The following ADAMTS16 variants were observed in gnomAD, a reference collection of about 807,000 sequenced individuals.
ADAMTS16 encodes the protein A disintegrin and metalloproteinase with thrombospondin motifs 16.
In ADAMTS16, 94 loss-of-function variants were observed where a neutral mutation model predicts 145.8. The observed-to-expected ratio is 0.64, with a 90% CI of 0.55 to 0.77. ADAMTS16 has a LOEUF of 0.77. Ranked by LOEUF, ADAMTS16 falls within the 30% of genes least tolerant of loss-of-function variation. The pLI is 0.00. For missense variants in ADAMTS16, 1,585 were observed against 1,591.5 expected (o/e 1.00, Z 0.07); for synonymous variants, 659 against 604.3 (o/e 1.09, Z -1.33).
intron 17 of ADAMTS16, among the ~76,000 whole-genome samples, chr5:5,258,089 A>C (rs1355414601): frequency 6.6e-6 from 1 of 152,164 alleles, no homozygotes; most frequent in African/African-American, 2.4e-5. Context: ...CACCATGTGG[A>C]TGTGTTTACC....
At chr5:5,291,930 A>G (rs1196711344) in intron 18 of ADAMTS16, among the ~76,000 whole-genome samples, 1 of 152,228 alleles carries the variant, frequency 6.6e-6, no homozygotes, top group Non-Finnish European at 1.5e-5. Context: ...GAGGAGGGTG[A>G]CGTTCATTGT....
intron 18 of ADAMTS16, among the ~76,000 whole-genome samples, chr5:5,267,648 C>T (rs1217027329): frequency 2.6e-5 from 4 of 152,254 alleles, no homozygotes; most frequent in African/African-American, 9.6e-5. Context: ...CAATATGTTT[C>T]GCTCGACGTC....
chr5:5,159,034 C>T (rs894643185), intron 3 of ADAMTS16, among the ~76,000 whole-genome samples: 3 of 152,236 alleles, frequency 2.0e-5, no homozygotes, highest in Non-Finnish European at 4.4e-5. Flanking sequence ...CAGAAACATG[C>T]TCAACATTTA....
At chr5:5,208,011 G>C (rs1026426539) in intron 9 of ADAMTS16, among the ~76,000 whole-genome samples, 12 of 152,048 alleles carry the variant, frequency 7.9e-5, no homozygotes, top group African/African-American at 2.9e-4. Context: ...GTCTGGTTTT[G>C]GTATTAGGAT....
chr5:5,188,087 C>A (rs1457407738), intron 6 of ADAMTS16, among the ~76,000 whole-genome samples: 1 of 152,120 alleles, frequency 6.6e-6, no homozygotes, highest in East Asian at 1.9e-4. Context: ...ATAGGTGGGA[C>A]ACACACTAGG....
intron 10 of ADAMTS16, among the ~76,000 whole-genome samples, chr5:5,217,644 T>G (rs926421117): frequency 6.6e-6 from 1 of 152,224 alleles, no homozygotes; most frequent in Non-Finnish European, 1.5e-5. Flanking sequence ...TGGGGTGTTA[T>G]GTTGTGGTGT....
At chr5:5,296,641 G>T (rs767771154) in intron 18 of ADAMTS16, among the ~76,000 whole-genome samples, 1 of 152,114 alleles carries the variant, frequency 6.6e-6, no homozygotes, top group Admixed American at 6.5e-5. Context: ...AACCCCTAGA[G>T]AGCCAAGGCC....
At chr5:5,217,964 G>A (rs1736482524) in intron 10 of ADAMTS16, among the ~76,000 whole-genome samples, 1 of 152,080 alleles carries the variant, frequency 6.6e-6, no homozygotes, top group Non-Finnish European at 1.5e-5. Context: ...AGCATCCTAG[G>A]TACTGTTGTT....
At chr5:5,196,253 A>AAG (rs1481407238) in intron 8 of ADAMTS16, among the ~76,000 whole-genome samples, 23 of 151,474 alleles carry the variant, frequency 1.5e-4, no homozygotes, top group Admixed American at 1.5e-3. Context: ...AAAAAAAAAA[A>AAG]AAAGCAGCAT....
At chr5:5,224,579 A>G (rs2913614) in intron 11 of ADAMTS16, among the ~76,000 whole-genome samples, 150,868 of 152,320 alleles carry the variant, frequency 0.99, 74,729 homozygotes, top group Middle Eastern at 1. Flanking sequence ...GTGAGCCACC[A>G]CATCCGGCCA....
intron 3 of ADAMTS16, among the ~76,000 whole-genome samples, chr5:5,175,320 A>G (rs1361112896): frequency 2.0e-5 from 3 of 152,130 alleles, no homozygotes; most frequent in Non-Finnish European, 4.4e-5. Flanking sequence ...AGGTCCAGGA[A>G]TGGGGGCCTC....
At chr5:5,293,708 A>G (rs1314650122) in intron 18 of ADAMTS16, among the ~76,000 whole-genome samples, 4 of 152,188 alleles carry the variant, frequency 2.6e-5, no homozygotes, top group Admixed American at 2.0e-4. Flanking sequence ...TATATTGCTG[A>G]GGCAGGGGCC....
rs770783756 is a variant in ADAMTS16 at position 5,140,697 on chromosome 5, G to T, written c.106G>T (p.Ala36Ser). 3 of 1,565,182 alleles carry T rather than the reference G, an allele frequency of 1.9e-6. No individual in the cohort carries two copies. The highest frequency in any genetic ancestry group is 2.7e-5 in the African/African-American group (2 of 74,004). Residue 36 changes from alanine to serine, a missense_variant, in exon 2 of 23, where the codon GCG becomes TCG. Ala to Ser is a moderately conservative substitution (Grantham distance 99, BLOSUM62 1). Coordinates refer to ENST00000274181, the MANE Select transcript of ADAMTS16 (RefSeq NM_139056.4). ...GTGCGCCATGGGACCCGCAGCGGCA[G>T]CGCCTGGGAGCCCGAGCGTCCCGCG... ...PACAMGPAAA[A>S]PGSPSVPRPP...
intron 16 of ADAMTS16, among the ~76,000 whole-genome samples, chr5:5,240,161 G>A (rs1006365382): frequency 6.6e-6 from 1 of 152,180 alleles, no homozygotes; most frequent in African/African-American, 2.4e-5. Flanking sequence ...TTTAGCAGTA[G>A]GTGTTTGCAG....
intron 3 of ADAMTS16, among the ~76,000 whole-genome samples, chr5:5,150,493 A>G (rs543738620): frequency 6.6e-6 from 1 of 152,230 alleles, no homozygotes; most frequent in African/African-American, 2.4e-5. Flanking sequence ...TGCATGCAAC[A>G]TGGCTGGGGC....
At chr5:5,272,626 A>G (rs1271237400) in intron 18 of ADAMTS16, among the ~76,000 whole-genome samples, 1 of 151,986 alleles carries the variant, frequency 6.6e-6, no homozygotes, top group African/African-American at 2.4e-5. Flanking sequence ...CGGCCTCCCA[A>G]AGTGCTGGGA....
At chr5:5,166,715 T>C (rs929839696) in intron 3 of ADAMTS16, among the ~76,000 whole-genome samples, 20 of 152,230 alleles carry the variant, frequency 1.3e-4, no homozygotes, top group African/African-American at 4.8e-4. Flanking sequence ...CCCAAAACTT[T>C]GAGCTGTCCC....
At chr5:5,188,632 T>C (rs963042096) in intron 6 of ADAMTS16, among the ~76,000 whole-genome samples, 2 of 152,312 alleles carry the variant, frequency 1.3e-5, no homozygotes, top group South Asian at 2.1e-4. Context: ...TTAGCTACAG[T>C]TTTCTTATTT....
chr5:5,314,083 G>A (rs1452886660), intron 21 of ADAMTS16, among the ~76,000 whole-genome samples: 1 of 152,218 alleles, frequency 6.6e-6, no homozygotes, highest in Non-Finnish European at 1.5e-5. Flanking sequence ...CAGCAGAGGT[G>A]TCTGTGAATG....
Sources: allele counts gnomAD v4.1 joint callset (sites outside exome capture counted in the v4.1 genomes callset), GRCh38; gene constraint gnomAD v4.1.1; transcripts MANE v1.5; gene names NCBI Gene and HGNC (gene_info 2026-07-23, HGNC 2026-07-21).